Variants in SPIRE1 observed in about 807,000 individuals in gnomAD.
SPIRE1 encodes spire type actin nucleation factor 1, also known as protein spire homolog 1.
In SPIRE1, 40 loss-of-function variants were observed where a neutral mutation model predicts 94.1. The observed-to-expected ratio is 0.43, with a 90% CI of 0.33 to 0.55. The LOEUF is 0.55. Ranked by LOEUF, SPIRE1 falls within the 20% of genes least tolerant of loss-of-function variation. The probability of loss-of-function intolerance (pLI) is 0.06; values close to 1 mark genes in which losing one functional copy is unlikely to be tolerated. For missense variants in SPIRE1, 838 were observed against 975.2 expected, an observed-to-expected ratio of 0.86 and a Z score of 1.87; for synonymous variants, 376 against 371.7, an observed-to-expected ratio of 1.01 and a Z score of -0.13.
intron 16 of SPIRE1, chr18:12,450,379 G>C: frequency 2.7e-6 from 1 of 365,454 alleles, no homozygotes; most frequent in East Asian, 4.6e-5. Flanking sequence ...AAAAAGAAAA[G>C]GAAAGAAAGC....
intron 12 of SPIRE1, among the ~76,000 whole-genome samples, chr18:12,459,321 C>T (rs1598888749): frequency 1.3e-5 from 2 of 152,310 alleles, no homozygotes; most frequent in East Asian, 3.9e-4. Context: ...GTGCAGGTGT[C>T]TGTGGGTGGG....
At chr18:12,539,653 G>C (rs1383519145) in intron 3 of SPIRE1, among the ~76,000 whole-genome samples, 1 of 151,912 alleles carries the variant, frequency 6.6e-6, no homozygotes, top group Non-Finnish European at 1.5e-5. Context: ...AATAGGCCAA[G>C]TGTGGTGGCT....
Position 12,550,601 on chromosome 18 carries a change from A to G in SPIRE1, c.373-3697T>C, listed in dbSNP as rs76679648. On this transcript the variant is annotated intron_variant, in intron 2 of 16. Coordinates refer to ENST00000409402, the MANE Select transcript of SPIRE1 (RefSeq NM_001128626.2). ...AGTTTTGAACCCCTGGGCTCGAGCA[A>G]TCCTCCTGCCTTGGTCTCCCAAAGT... is the stretch of plus-strand genomic sequence containing the variant. Among the ~76,000 whole-genome samples the G allele has an allele frequency of 3.9e-4, 59 of 152,138 alleles. No homozygotes were observed. The East Asian group carries it at 0.01, about 27-fold the overall frequency.
chr18:12,633,661 C>T (rs2037841024), intron 2 of SPIRE1, among the ~76,000 whole-genome samples: 1 of 151,832 alleles, frequency 6.6e-6, no homozygotes, highest in South Asian at 2.1e-4. Context: ...ACAATATAAT[C>T]CCTTGGGAAG....
chr18:12,652,094 A>C (rs1177750932), intron 1 of SPIRE1, among the ~76,000 whole-genome samples: 4 of 152,240 alleles, frequency 2.6e-5, no homozygotes, highest in Non-Finnish European at 4.4e-5. Flanking sequence ...AGACTGTGAG[A>C]CCACACATGA....
chr18:12,475,474 T>G (rs972888070), intron 10 of SPIRE1, among the ~76,000 whole-genome samples: 1 of 151,954 alleles, frequency 6.6e-6, no homozygotes, highest in African/African-American at 2.4e-5. Context: ...ACTGAAGGCA[T>G]TCAATAAATA....
At chr18:12,458,278 A>G (rs1224339656) in intron 12 of SPIRE1, among the ~76,000 whole-genome samples, 6 of 152,002 alleles carry the variant, frequency 3.9e-5, no homozygotes, top group Admixed American at 6.6e-5. Flanking sequence ...TTAAATAAAA[A>G]CAGCAACTAT....
intron 2 of SPIRE1, among the ~76,000 whole-genome samples, chr18:12,613,354 C>T (rs2037196319): frequency 6.6e-6 from 1 of 152,202 alleles, no homozygotes; most frequent in Admixed American, 6.5e-5. Context: ...GACCCTTTGA[C>T]ATGCTGCTCC....
chr18:12,568,827 A>G (rs1369997633), intron 2 of SPIRE1, among the ~76,000 whole-genome samples: 1 of 152,226 alleles, frequency 6.6e-6, no homozygotes, highest in East Asian at 1.9e-4. Flanking sequence ...TATGGAACTT[A>G]TGAACACAGA....
chr18:12,603,709 G>A (rs901297363), intron 2 of SPIRE1, among the ~76,000 whole-genome samples: 3 of 151,866 alleles, frequency 2.0e-5, no homozygotes, highest in African/African-American at 7.3e-5. Flanking sequence ...CGAGTAGCTG[G>A]GACTACAGGT....
intron 16 of SPIRE1, 71 bp from the exon 17 acceptor site, chr18:12,449,967 A>AT (rs1312917999): frequency 2.0e-6 from 3 of 1,482,620 alleles, no homozygotes; most frequent in Non-Finnish European, 2.7e-6. Flanking sequence ...GAAAATATGT[A>AT]TAAAAAAAAG....
At chr18:12,616,832 C>A (rs2037320650) in intron 2 of SPIRE1, among the ~76,000 whole-genome samples, 1 of 152,166 alleles carries the variant, frequency 6.6e-6, no homozygotes, top group Non-Finnish European at 1.5e-5. Flanking sequence ...GGTAAACCAA[C>A]AATTCTTTGT....
chr18:12,504,343 C>T (rs2033761974), intron 6 of SPIRE1, among the ~76,000 whole-genome samples: 1 of 137,256 alleles, frequency 7.3e-6, no homozygotes. Flanking sequence ...CCTGTCTCTA[C>T]TAAAAATACA....
At chr18:12,510,020 G>A (rs568907042) in intron 5 of SPIRE1, among the ~76,000 whole-genome samples, 5 of 151,810 alleles carry the variant, frequency 3.3e-5, no homozygotes, top group African/African-American at 1.2e-4. Flanking sequence ...AGGAGGCGGA[G>A]GTTGCAGTGA....
intron 2 of SPIRE1, among the ~76,000 whole-genome samples, chr18:12,610,620 A>G (rs2144683132): frequency 6.6e-6 from 1 of 152,232 alleles, no homozygotes; most frequent in East Asian, 1.9e-4. Flanking sequence ...ATGTGGCTAG[A>G]GTAAAACACA....
intron 4 of SPIRE1, among the ~76,000 whole-genome samples, chr18:12,522,822 A>T (rs1180072903): frequency 6.6e-6 from 1 of 152,180 alleles, no homozygotes; most frequent in Non-Finnish European, 1.5e-5. Context: ...TTCCTTTCAA[A>T]ATATTACCAC....
At chr18:12,493,239 T>A (rs1306352252) in intron 7 of SPIRE1, 38 bp from the exon 8 acceptor site, 2 of 1,583,162 alleles carry the variant, frequency 1.3e-6, no homozygotes, top group Admixed American at 1.9e-5. Context: ...CTTCAGTAAT[T>A]AAGTAATTTT....
At chr18:12,607,077 A>T (rs2036999366) in intron 2 of SPIRE1, among the ~76,000 whole-genome samples, 1 of 152,144 alleles carries the variant, frequency 6.6e-6, no homozygotes, top group Admixed American at 6.5e-5. Flanking sequence ...TTTAACTGTG[A>T]CTCACAGACT....
intron 2 of SPIRE1, among the ~76,000 whole-genome samples, chr18:12,606,464 G>T (rs9959145): frequency 0.08 from 12,225 of 152,046 alleles, 637 homozygotes; most frequent in Middle Eastern, 0.16. Context: ...TATTCTCCTG[G>T]TCTACCTTGT....
Sources: gnomAD v4.1 joint callset for allele counts (sites outside exome capture counted in the v4.1 genomes callset) on GRCh38, gnomAD v4.1.1 for gene constraint, MANE v1.5 for transcripts, NCBI Gene and HGNC (gene_info 2026-07-23, HGNC 2026-07-21) for gene names.